Variants in MYO10 observed in about 807,000 individuals in gnomAD.
MYO10 encodes myosin X.
MYO10 carries 133 observed loss-of-function variants against 257.3 expected under a neutral mutation model. The ratio of observed to expected loss-of-function variants is 0.52; its 90% confidence interval spans 0.45 to 0.60. The LOEUF is 0.60. Among genes scored for constraint, MYO10 ranks in the 20% least tolerant of loss-of-function variants. The pLI, the probability that MYO10 is intolerant of heterozygous loss-of-function variation, is 0.00. For synonymous variants in MYO10, 1,104 were observed against 1,028.6 expected, an observed-to-expected ratio of 1.07 and a Z score of -1.40; for missense variants, 2,399 against 2,635.7, an observed-to-expected ratio of 0.91 and a Z score of 1.97.
intron 1 of MYO10, among the ~76,000 whole-genome samples, chr5:16,903,458 G>T (rs1013588208): frequency 5.9e-5 from 9 of 152,142 alleles, no homozygotes; most frequent in African/African-American, 2.2e-4. Flanking sequence ...GGGAAACGAG[G>T]CATGGAGCAG....
intron 9 of MYO10, among the ~76,000 whole-genome samples, chr5:16,778,452 C>A (rs571778539): frequency 1.3e-5 from 2 of 152,194 alleles, no homozygotes; most frequent in Non-Finnish European, 2.9e-5. Flanking sequence ...AATCTCCAAG[C>A]GTCCCAAGAA....
intron 19 of MYO10, among the ~76,000 whole-genome samples, chr5:16,734,198 T>C (rs1053339562): frequency 2.6e-5 from 4 of 152,160 alleles, no homozygotes; most frequent in African/African-American, 4.8e-5. Flanking sequence ...GTGACAGCTT[T>C]CTCCTCACCT....
intron 19 of MYO10, among the ~76,000 whole-genome samples, chr5:16,713,030 G>A (rs1738691585): frequency 6.6e-6 from 1 of 151,962 alleles, no homozygotes; most frequent in Admixed American, 6.5e-5. Flanking sequence ...TATAATCTAA[G>A]CAGCACTGTA....
At chr5:16,713,228 G>T in intron 19 of MYO10, 1 of 812,058 alleles carries the variant, frequency 1.2e-6, no homozygotes, top group Non-Finnish European at 1.5e-6. Flanking sequence ...AGTCTCTATA[G>T]AACAAAGTCT....
rs565637282 is a variant in MYO10 at position 16,663,121 on chromosome 5, T to C, written c.*3571A>G. 2.0e-5 allele frequency: 3 copies of C among 152,216 alleles called. No individual in the cohort carries two copies. Among genetic ancestry groups the C allele is most frequent in the East Asian group, 3.9e-4 (2 of 5,180 alleles). 9.4% of individuals were successfully genotyped at this position (152,216 alleles called of 1,614,324 possible). ...ATGTAGGATTAGAGCTAAAATACTATGCTGAGAAAAAAGTAAGCTACAACA... is the reference window on the plus strand; with the variant it reads ...ATGTAGGATTAGAGCTAAAATACTACGCTGAGAAAAAAGTAAGCTACAACA... On this transcript the variant is annotated 3_prime_UTR_variant, in exon 41 of 41. Transcript: ENST00000513610.
chr5:16,791,541 T>TACATACACACACAC (rs1741755952), intron 4 of MYO10, among the ~76,000 whole-genome samples: 3 of 57,700 alleles, frequency 5.2e-5, no homozygotes, highest in African/African-American at 2.3e-4. Flanking sequence ...TTTTAATACA[T>TACATACACACACAC]ACATACACAC....
chr5:16,804,949 A>G lies in MYO10; in HGVS notation c.280-10116T>C, dbSNP rs1742227613. ...TGAAATGTCAAGCATTCTTTGGCAA[A>G]AATAATTACAGTCAAGGACATCTTA... On this transcript the variant is annotated intron_variant, in intron 3 of 40. Transcript: ENST00000513610. Among the ~76,000 whole-genome samples, 3 of 152,114 alleles carry G rather than the reference A, an allele frequency of 2.0e-5. 1 individual carries two copies. In the South Asian group the frequency reaches 6.2e-4, roughly 32 times the overall value.
At chr5:16,817,070 G>A (rs112927009) in intron 3 of MYO10, among the ~76,000 whole-genome samples, 5,457 of 146,292 alleles carry the variant, frequency 0.037, 311 homozygotes, top group African/African-American at 0.13. Flanking sequence ...CGCCCACCTC[G>A]GCCTCACAAA....
At chr5:16,775,289 T>C (rs990768076) in intron 9 of MYO10, among the ~76,000 whole-genome samples, 7 of 152,208 alleles carry the variant, frequency 4.6e-5, no homozygotes, top group Non-Finnish European at 7.3e-5. Flanking sequence ...GAATACCTCA[T>C]AGGTACTTTT....
At position 16,679,813 on chromosome 5, in the gene MYO10, C is replaced by T. The variant is rs963641304; in HGVS notation, c.4542+134G>A. The T allele has an allele frequency of 1.9e-4, 233 of 1,218,104 alleles. 2 individuals are homozygous for T. Among genetic ancestry groups the T allele is most frequent in the Non-Finnish European group, 2.3e-4 (210 of 896,426 alleles). The allele number at this position is 1,218,104 out of a possible 1,614,324, so 75.5% of individuals were successfully genotyped here. ...GTGCTGGAATTACAGGCGTGAGCCA[C>T]CGTGCCGGCCAACCAAGCACTAGTT... On this transcript the variant is annotated intron_variant, in intron 33 of 40. Coordinates refer to ENST00000513610, the MANE Select transcript of MYO10 (RefSeq NM_012334.3).
chr5:16,699,017 G>C (rs1399237294), intron 26 of MYO10, among the ~76,000 whole-genome samples: 1 of 152,122 alleles, frequency 6.6e-6, no homozygotes, highest in Non-Finnish European at 1.5e-5. Context: ...ATATGAGAGA[G>C]AGCAATGAGA....
chr5:16,912,802 G>GCACACACACACACACACACACACACACA (rs70943817), intron 1 of MYO10, among the ~76,000 whole-genome samples: 18 of 111,594 alleles, frequency 1.6e-4, no homozygotes, highest in Non-Finnish European at 2.5e-4. Flanking sequence ...CTACCACCCT[G>GCACACACACACACACACACACACACACA]CACACACACA....
rs61744227 is a variant in MYO10 at position 16,676,138 on chromosome 5, G to A, written c.4559C>T (p.Ser1520Leu). The change falls in exon 34 of 41, where the codon TCG becomes TTG. Residue 1520 changes from serine to leucine, a missense_variant. Physicochemically the swap from Ser to Leu is moderately radical, Grantham distance 145 (BLOSUM62 -2). Around this residue, in one of 3 missense-constraint regions of MYO10, gnomAD observed 1,820 missense variants for 1,939.4 expected, o/e 0.94. Coordinates refer to ENST00000513610, the MANE Select transcript of MYO10 (RefSeq NM_012334.3). ...CTTGTAAATCTGTTCCACCACATCC[G>A]AGTTCAGGCAGTTCTCCTAAAAATA... ...IQDIKENCLN[S>L]DVVEQIYKRN... 9.6e-3 allele frequency: 15,470 copies of A among 1,612,784 alleles called. 101 individuals carry two copies. Among genetic ancestry groups the A allele is most frequent in the South Asian group, 0.011 (961 of 90,818 alleles).
In MYO10 at chr5:16,699,781, A is replaced by G. The variant is rs572058343; in HGVS notation, c.3433-208T>C. 7 of 182,362 alleles carry G rather than the reference A, an allele frequency of 3.8e-5. No individual in the cohort carries two copies. The South Asian group carries it at 6.9e-4, about 18-fold the overall frequency. The allele number at this position is 182,362 out of a possible 1,614,324, so 11.3% of individuals were successfully genotyped here. On this transcript the variant is annotated intron_variant, in intron 25 of 40. Coordinates refer to ENST00000513610, the MANE Select transcript of MYO10 (RefSeq NM_012334.3). ...CAGCCTGGGCAACAGAGCAAGCCTC[A>G]GTCTCAAAAAAAAAAAAAAAAAAAA...
At chr5:16,741,103 A>T (rs1426041024) in intron 19 of MYO10, among the ~76,000 whole-genome samples, 1 of 152,168 alleles carries the variant, frequency 6.6e-6, no homozygotes. Flanking sequence ...ACTGAACACC[A>T]TTCCTCCATC....
intron 18 of MYO10, among the ~76,000 whole-genome samples, chr5:16,757,698 G>A (rs964929118): frequency 8.6e-5 from 13 of 151,966 alleles, no homozygotes; most frequent in African/African-American, 3.1e-4. Flanking sequence ...TAGGTCTTAC[G>A]CTGTCACCCA....
chr5:16,794,073 TA>T (rs369473089), intron 4 of MYO10, among the ~76,000 whole-genome samples: 3 of 150,604 alleles, frequency 2.0e-5, no homozygotes, highest in South Asian at 2.1e-4. Flanking sequence ...TCTCACCCAC[TA>T]AAAAAAAATA....
At position 16,700,643 on chromosome 5, in the gene MYO10, C is replaced by G. The variant is rs1010994608; in HGVS notation, c.3432+320G>C. 2.0e-5 allele frequency among the ~76,000 whole-genome samples: 3 copies of G among 152,172 alleles called. No homozygotes were observed. In the South Asian group the frequency reaches 6.2e-4, roughly 32 times the overall value. ...AGTGAGGCAAAATCCTGCCAATGCA[C>G]TCCAGCCTGGATGACAGAGAAGACT... is the stretch of plus-strand genomic sequence containing the variant. On this transcript the variant is annotated intron_variant, in intron 25 of 40. Coordinates refer to ENST00000513610, the MANE Select transcript of MYO10 (RefSeq NM_012334.3).
intron 2 of MYO10, among the ~76,000 whole-genome samples, chr5:16,856,777 A>G (rs768491263): frequency 6.6e-5 from 10 of 152,112 alleles, no homozygotes; most frequent in Non-Finnish European, 1.2e-4. Context: ...GCAGTCATGC[A>G]TGACCCTGAG....
Sources: allele counts gnomAD v4.1 joint callset (sites outside exome capture counted in the v4.1 genomes callset), GRCh38; gene constraint gnomAD v4.1.1; regional missense constraint gnomAD v4.1.1; transcripts MANE v1.5; gene names NCBI Gene and HGNC (gene_info 2026-07-23, HGNC 2026-07-21).